TNS3: variants seen among roughly 807,000 people sequenced by gnomAD.
TNS3 encodes the protein tensin-3.
A neutral mutation model predicts 140.9 loss-of-function variants in TNS3; 45 were observed. The ratio of observed to expected loss-of-function variants is 0.32; its 90% CI spans 0.25 to 0.41. TNS3 has a LOEUF of 0.41. Ranked by LOEUF, TNS3 falls within the 10% of genes least tolerant of loss-of-function variation. The pLI is 1.00. For synonymous variants in TNS3, 815 were observed against 788.4 expected, an observed-to-expected ratio of 1.03 and a Z score of -0.56; for missense variants, 1,716 against 1,906.7, an observed-to-expected ratio of 0.90 and a Z score of 1.86.
chr7:47,302,055 C>T (rs1022078146), intron 23 of TNS3, 131 bp downstream of exon 23: 1 of 698,668 alleles, frequency 1.4e-6, no homozygotes, highest in African/African-American at 1.8e-5. Flanking sequence ...AACGTGTGGG[C>T]CCTGCTCAAA....
intron 20 of TNS3, among the ~76,000 whole-genome samples, chr7:47,336,271 T>C (rs1052606369): frequency 2.0e-5 from 3 of 151,482 alleles, no homozygotes; most frequent in African/African-American, 7.3e-5. Context: ...GGTTGATTCA[T>C]AACGTTTGCT....
At chr7:47,281,956 G>C (rs1271841995) in intron 28 of TNS3, among the ~76,000 whole-genome samples, 2 of 123,372 alleles carry the variant, frequency 1.6e-5, no homozygotes. Flanking sequence ...GAGTCCACTA[G>C]GCAGTCTAGC....
At chr7:47,389,045 GA>G (rs1460182001) in intron 16 of TNS3, among the ~76,000 whole-genome samples, 6 of 49,780 alleles carry the variant, frequency 1.2e-4, no homozygotes, top group Admixed American at 8.0e-4. Context: ...AGAAGAAGAA[GA>G]AGAAGAAGAA....
chr7:47,293,057 A>C (rs1785801580), intron 25 of TNS3, 152 bp from the exon 26 acceptor site: 2 of 625,320 alleles, frequency 3.2e-6, no homozygotes, highest in Non-Finnish European at 5.6e-6. Context: ...GCTTTGTGTA[A>C]AACTTCAAAG....
At chr7:47,523,811 G>A (rs1016578963) in intron 2 of TNS3, among the ~76,000 whole-genome samples, 3 of 152,198 alleles carry the variant, frequency 2.0e-5, no homozygotes, top group Non-Finnish European at 2.9e-5. Flanking sequence ...AAGCAGCTGT[G>A]TGCTTGCCAC....
chr7:47,387,481 C>T (rs1236216349), intron 16 of TNS3, among the ~76,000 whole-genome samples: 2 of 152,146 alleles, frequency 1.3e-5, no homozygotes, highest in African/African-American at 2.4e-5. Context: ...CCCAGATGGC[C>T]GAATGGGGCC....
Position 47,302,936 on chromosome 7 carries a change from G to A in TNS3, c.3457+14C>T, listed in dbSNP as rs1450945055. Reference sequence around the variant, plus strand: ...GACAGAGGGGCCCTTCCAACCAGCTGGAAACACACCTACCTGGCAGAGGTG... The same window carrying A: ...GACAGAGGGGCCCTTCCAACCAGCTAGAAACACACCTACCTGGCAGAGGTG... On this transcript the variant is annotated intron_variant, in intron 22 of 30. Coordinates refer to ENST00000311160, the MANE Select transcript of TNS3 (RefSeq NM_022748.12). The A allele has an allele frequency of 2.5e-6, 4 of 1,584,226 alleles. No individual in the cohort carries two copies. Among genetic ancestry groups the A allele is most frequent in the African/African-American group, 1.3e-5 (1 of 74,314 alleles).
intron 16 of TNS3, among the ~76,000 whole-genome samples, chr7:47,392,864 C>T (rs112026312): frequency 7.5e-4 from 115 of 152,370 alleles, no homozygotes; most frequent in African/African-American, 2.7e-3. Flanking sequence ...CTGGGGAACA[C>T]CTTCTCAAAA....
intron 1 of TNS3, among the ~76,000 whole-genome samples, chr7:47,542,878 C>T (rs1799826731): frequency 6.9e-6 from 1 of 145,028 alleles, no homozygotes; most frequent in African/African-American, 2.6e-5. Flanking sequence ...TGCAGTGAGC[C>T]GAGATCACGC....
intron 24 of TNS3, among the ~76,000 whole-genome samples, chr7:47,295,501 G>T (rs768892224): frequency 1.3e-5 from 2 of 152,098 alleles, no homozygotes; most frequent in Non-Finnish European, 2.9e-5. Flanking sequence ...AGCTACAAAA[G>T]CCCTTATCTC....
intron 4 of TNS3, among the ~76,000 whole-genome samples, chr7:47,474,312 A>C (rs923870761): frequency 2.0e-5 from 3 of 149,754 alleles, no homozygotes; most frequent in African/African-American, 7.4e-5. Flanking sequence ...CAGCACACAC[A>C]CCTCACATAA....
chr7:47,481,378 C>G lies in TNS3; in HGVS notation c.-114-237G>C, dbSNP rs1446416752. ...CATGGAAACCATGGGGCCTCCCCTTCCAGAAAAATGCAAATCACTCATAGA... is the reference window on the plus strand; with the variant it reads ...CATGGAAACCATGGGGCCTCCCCTTGCAGAAAAATGCAAATCACTCATAGA... On this transcript the variant is annotated intron_variant, in intron 3 of 30. Transcript: ENST00000311160. 1.2e-5 allele frequency: 4 copies of G among 326,844 alleles called. No individual in the cohort carries two copies. The Admixed American group carries it at 1.8e-4, about 14-fold the overall frequency. 20.2% of individuals were successfully genotyped at this position (326,844 alleles called of 1,614,324 possible).
At chr7:47,535,395 T>TG (rs139507010) in intron 1 of TNS3, among the ~76,000 whole-genome samples, 5,445 of 152,338 alleles carry the variant, frequency 0.036, 338 homozygotes, top group African/African-American at 0.12. Context: ...TTTGAATTGC[T>TG]GGATCTCTGA....
chr7:47,335,132 T>G (rs750684044), intron 20 of TNS3, among the ~76,000 whole-genome samples: 3 of 152,218 alleles, frequency 2.0e-5, no homozygotes, highest in Non-Finnish European at 4.4e-5. Flanking sequence ...CATTTGAGGC[T>G]CCCATGTGGA....
chr7:47,442,864 T>C (rs1795536387), intron 4 of TNS3, among the ~76,000 whole-genome samples: 1 of 152,044 alleles, frequency 6.6e-6, no homozygotes, highest in Non-Finnish European at 1.5e-5. Context: ...GACACCACCA[T>C]CAGAGGCATC....
intron 3 of TNS3, among the ~76,000 whole-genome samples, chr7:47,497,007 G>A (rs1584773044): frequency 6.6e-6 from 1 of 151,850 alleles, no homozygotes; most frequent in South Asian, 2.1e-4. Flanking sequence ...AAAATATTAA[G>A]CCCACGGCTC....
At chr7:47,411,463 T>A (rs1016502775) in intron 13 of TNS3, among the ~76,000 whole-genome samples, 1 of 152,260 alleles carries the variant, frequency 6.6e-6, no homozygotes, top group Admixed American at 6.5e-5. Flanking sequence ...CTTATAAGAA[T>A]CTCATGGCGC....
chr7:47,413,695 A>C (rs1460597191), intron 12 of TNS3, among the ~76,000 whole-genome samples: 2 of 151,992 alleles, frequency 1.3e-5, no homozygotes, highest in Non-Finnish European at 2.9e-5. Context: ...ACGTCCTTTA[A>C]TGGAGCCAAC....
In TNS3 at chr7:47,407,876, T is replaced by C. The variant is rs113881324; in HGVS notation, c.723+3851A>G. 1.3e-5 allele frequency among the ~76,000 whole-genome samples: 2 copies of C among 152,252 alleles called. No individual in the cohort carries two copies. Among genetic ancestry groups the C allele is most frequent in the African/African-American group, 4.8e-5 (2 of 41,548 alleles). ...ACACCTGGATCTCAGGCTCCCAGCC[T>C]CCAGGACTGTGGGAGAATCACCTCT... On this transcript the variant is annotated intron_variant, in intron 13 of 30. Coordinates refer to ENST00000311160, the MANE Select transcript of TNS3 (RefSeq NM_022748.12). This position sits in a 1 kb window ranked among gnomAD's most constrained non-coding sequence, Gnocchi z 4.1.
Sources: gnomAD v4.1 joint callset for allele counts (sites outside exome capture counted in the v4.1 genomes callset) on GRCh38, gnomAD v4.1.1 for gene constraint, Gnocchi (gnomAD v3.1) non-coding constraint, MANE v1.5 for transcripts, NCBI Gene and HGNC (gene_info 2026-07-23, HGNC 2026-07-21) for gene names.